EIF3I: variants seen among roughly 807,000 people sequenced by gnomAD.
EIF3I encodes the protein eukaryotic translation initiation factor 3 subunit I, also known as TGF-beta receptor-interacting protein 1.
A neutral mutation model predicts 43.3 loss-of-function variants in EIF3I; 20 were observed. That is an observed-to-expected ratio of 0.46 (90% confidence interval 0.32 to 0.67). The LOEUF is 0.67. Among genes scored for constraint, EIF3I ranks in the 30% least tolerant of loss-of-function variants. EIF3I has a pLI of 0.03. For missense variants in EIF3I, 279 were observed against 421.4 expected (o/e 0.66, Z 2.96); for synonymous variants, 167 against 151.7 (o/e 1.10, Z -0.74).
chr1:32,233,699 T>C (rs1236030826), downstream of EIF3I, among the ~76,000 whole-genome samples: 2 of 152,292 alleles, frequency 1.3e-5, no homozygotes. Context: ...TGAGCCCAAA[T>C]GATTCCACTC....
intron 4 of EIF3I, 49 bp downstream of exon 4, chr1:32,224,524 G>T (rs1166177105): frequency 2.1e-6 from 3 of 1,432,238 alleles, no homozygotes; most frequent in Non-Finnish European, 2.9e-6. Context: ...GACCTACAGT[G>T]TACCTGTTTG....
At chr1:32,224,497 T>C in intron 4 of EIF3I, 22 bp downstream of exon 4, 2 of 1,601,440 alleles carry the variant, frequency 1.2e-6, no homozygotes, top group Non-Finnish European at 1.7e-6. Context: ...TCATTCACCT[T>C]TTTAGCAAAT....
At chr1:32,230,873 A>G in intron 10 of EIF3I, 54 bp from the exon 10 acceptor site, 1 of 1,388,510 alleles carries the variant, frequency 7.2e-7, no homozygotes, top group Non-Finnish European at 1.0e-6. Flanking sequence ...TGCCACCTCC[A>G]AAGTGTTTTG....
intron 6 of EIF3I, 106 bp from the exon 7 acceptor site, chr1:32,228,391 AAC>A: frequency 1.1e-6 from 1 of 877,792 alleles, no homozygotes; most frequent in East Asian, 2.5e-5. Context: ...GGGTGAGGAA[AAC>A]ACAAAGTCCA....
At chr1:32,226,228 T>A (rs758346269) in exon 5 of EIF3I, 3 of 1,614,020 alleles carry the variant, frequency 1.9e-6, no homozygotes, top group South Asian at 1.1e-5. Flanking sequence ...GGTTTTGACT[T>A]TGGGGGCAAC....
At chr1:32,231,247 C>CTT in exon 12 of EIF3I, 1 of 1,502,230 alleles carries the variant, frequency 6.7e-7, no homozygotes, top group South Asian at 1.2e-5. Flanking sequence ...AATCCCACCA[C>CTT]TTTTTTTTTA....
chr1:32,232,380 ACTT>A (rs1404346664), downstream of EIF3I, among the ~76,000 whole-genome samples: 2 of 152,240 alleles, frequency 1.3e-5, no homozygotes, highest in African/African-American at 4.8e-5. Context: ...ACAAAGTCCT[ACTT>A]CTTAAGGAGT....
At chr1:32,235,003 T>A (rs1268937596), downstream of EIF3I, 1 of 152,980 alleles carries the variant, frequency 6.5e-6, no homozygotes, top group Non-Finnish European at 1.5e-5. Flanking sequence ...CTGCTTTACA[T>A]GTTACAGTCA....
At chr1:32,229,319 GGCGT>G in intron 9 of EIF3I, 111 bp downstream of exon 9, 2 of 1,158,450 alleles carry the variant, frequency 1.7e-6, no homozygotes, top group South Asian at 3.0e-5. Flanking sequence ...GGAGCGCAGT[GGCGT>G]GATCTCTGCT....
chr1:32,230,515 C>T (rs1051356773), intron 10 of EIF3I, among the ~76,000 whole-genome samples: 4 of 152,164 alleles, frequency 2.6e-5, no homozygotes, highest in African/African-American at 9.6e-5. Context: ...AGCCACTGCG[C>T]CTCGGCTTCT....
rs1228316822 is a variant in EIF3I at position 32,226,232 on chromosome 1, G to C, written c.312G>C (p.Gly104=). Residue 104 remains glycine (G), a synonymous_variant, in exon 5 of 12, where the codon GGG becomes GGC. Transcript: ENST00000676679. ...TCCGGACCTGCGGTTTTGACTTTGG[G>C]GGCAACATCATCATGTTCTCCACGG... 1.9e-6 allele frequency: 3 copies of C among 1,614,012 alleles called. No homozygotes were observed. The Admixed American group carries it at 5.0e-5, about 27-fold the overall frequency.
At chr1:32,226,120 C>A in intron 4 of EIF3I, 51 bp from the exon 5 acceptor site, 2 of 1,594,510 alleles carry the variant, frequency 1.3e-6, no homozygotes, top group Non-Finnish European at 1.7e-6. Context: ...TCTAGAATGT[C>A]CTCCCTGCAA....
intron 9 of EIF3I, among the ~76,000 whole-genome samples, chr1:32,230,138 C>T (rs1639213382): frequency 6.6e-6 from 1 of 151,936 alleles, no homozygotes; most frequent in South Asian, 2.1e-4. Context: ...CCTCTGTCCT[C>T]AGCCTCCCAA....
chr1:32,231,153 A>G, exon 12 of EIF3I: 11 of 1,614,042 alleles, frequency 6.8e-6, no homozygotes, highest in Admixed American at 3.3e-5. Flanking sequence ...GTCCGTATCC[A>G]TTACTTCGAC....
intron 9 of EIF3I, among the ~76,000 whole-genome samples, chr1:32,230,176 G>A (rs1281881524): frequency 1.3e-5 from 2 of 149,040 alleles, no homozygotes; most frequent in African/African-American, 5.0e-5. Context: ...CGTGAACCAT[G>A]GCACGCAGCC....
At chr1:32,228,761 C>G in exon 8 of EIF3I, 2 of 1,614,186 alleles carry the variant, frequency 1.2e-6, no homozygotes, top group African/African-American at 1.3e-5. Flanking sequence ...CATCAGAAGA[C>G]TTTCCGGACA....
At chr1:32,228,530 A>G (rs1204709184) in exon 7 of EIF3I, 2 of 1,614,030 alleles carry the variant, frequency 1.2e-6, no homozygotes, top group Non-Finnish European at 1.7e-6. Context: ...GTTAAGGAGC[A>G]CTCCCGGCAG....
chr1:32,224,076 A>G (rs754665781), exon 3 of EIF3I: 1 of 1,614,114 alleles, frequency 6.2e-7, no homozygotes, highest in Non-Finnish European at 8.5e-7. Context: ...GAGGCTGGGC[A>G]CCTACATGGG....
chr1:32,222,573 T>C (rs1639033353), exon 2 of EIF3I: 1 of 1,613,982 alleles, frequency 6.2e-7, no homozygotes, highest in African/African-American at 1.3e-5. Flanking sequence ...AGCGGTCCAT[T>C]ACGCAGATTA....
Sources: allele counts gnomAD v4.1 joint callset (sites outside exome capture counted in the v4.1 genomes callset), GRCh38; gene constraint gnomAD v4.1.1; transcripts MANE v1.5; gene names NCBI Gene and HGNC (gene_info 2026-07-23, HGNC 2026-07-21).